Variants in SH3RF2 observed in about 807,000 individuals in gnomAD.
SH3RF2 encodes the protein SH3 domain containing ring finger 2.
SH3RF2 carries 43 observed loss-of-function variants against 59.0 expected under a neutral mutation model. The observed-to-expected ratio is 0.73, with a 90% CI of 0.57 to 0.94. The LOEUF (loss-of-function observed/expected upper bound fraction) is 0.94. Among genes scored for constraint, SH3RF2 ranks in the 40% least tolerant of loss-of-function variants. SH3RF2 has a pLI of 0.00. For missense variants in SH3RF2, 930 were observed against 940.1 expected (o/e 0.99, Z 0.14); for synonymous variants, 391 against 391.5 (o/e 1.00, Z 0.01).
intron 2 of SH3RF2, among the ~76,000 whole-genome samples, chr5:145,981,622 A>G (rs1339410977): frequency 6.6e-6 from 1 of 152,204 alleles, no homozygotes; most frequent in Non-Finnish European, 1.5e-5. Context: ...GTTGTCATTT[A>G]ACATGTTCAC....
chr5:146,008,644 A>T (rs1414221163), intron 4 of SH3RF2, among the ~76,000 whole-genome samples: 2 of 152,178 alleles, frequency 1.3e-5, no homozygotes, highest in Non-Finnish European at 2.9e-5. Context: ...TTTTATTTAC[A>T]TACAGTAAAA....
intron 2 of SH3RF2, among the ~76,000 whole-genome samples, chr5:145,974,786 A>G (rs1252196329): frequency 6.6e-6 from 1 of 152,140 alleles, no homozygotes; most frequent in Non-Finnish European, 1.5e-5. Flanking sequence ...GAGGTGGGAG[A>G]AGGAGGAGAA....
At chr5:145,954,795 C>T (rs989116276) in intron 2 of SH3RF2, among the ~76,000 whole-genome samples, 1 of 152,052 alleles carries the variant, frequency 6.6e-6, no homozygotes, top group Non-Finnish European at 1.5e-5. Flanking sequence ...GGGGAGACCT[C>T]AGGAAGCTTA....
intron 2 of SH3RF2, among the ~76,000 whole-genome samples, chr5:145,979,759 T>C (rs1759439804): frequency 6.6e-6 from 1 of 152,206 alleles, no homozygotes; most frequent in Non-Finnish European, 1.5e-5. Context: ...CTCATAGGGA[T>C]TGTTGGAAGG....
At chr5:146,033,451 CTTTTTTTTTTTTTTTTTTT>C (rs558717056) in intron 5 of SH3RF2, among the ~76,000 whole-genome samples, 35,760 of 72,084 alleles carry the variant, frequency 0.5, 6,152 homozygotes, top group Admixed American at 0.56. Context: ...TAGCCCTTAG[CTTTTTTTTTTTTTTTTTTT>C]TTTTTTTTTT....
intron 7 of SH3RF2, among the ~76,000 whole-genome samples, chr5:146,049,536 G>A (rs1166052495): frequency 6.6e-6 from 1 of 152,080 alleles, no homozygotes; most frequent in Non-Finnish European, 1.5e-5. Flanking sequence ...GCAGAGTTAA[G>A]CAACTTGCTC....
At chr5:146,034,208 A>C (rs1167477878) in intron 5 of SH3RF2, among the ~76,000 whole-genome samples, 1 of 152,210 alleles carries the variant, frequency 6.6e-6, no homozygotes, top group East Asian at 1.9e-4. Flanking sequence ...TTCTCCCTTT[A>C]TTTCCCATCA....
downstream of SH3RF2, among the ~76,000 whole-genome samples, chr5:146,064,735 G>GA (rs1763029888): frequency 1.2e-4 from 1 of 8,016 alleles, no homozygotes; most frequent in African/African-American, 2.6e-4. Flanking sequence ...AGAAAGGAAG[G>GA]AAGGAAGGAA....
chr5:146,008,393 C>T (rs1178917834), intron 4 of SH3RF2, among the ~76,000 whole-genome samples: 2 of 152,192 alleles, frequency 1.3e-5, no homozygotes, highest in Non-Finnish European at 2.9e-5. Context: ...AAAAAATTAA[C>T]TTATTTCATT....
chr5:145,981,809 T>C (rs6887711), intron 2 of SH3RF2, among the ~76,000 whole-genome samples: 19,312 of 152,254 alleles, frequency 0.13, 1,377 homozygotes, highest in East Asian at 0.26. Context: ...AGATGGGCAG[T>C]GGCTGCTGTA....
chr5:146,000,822 T>C (rs1580840032), intron 3 of SH3RF2, among the ~76,000 whole-genome samples: 1 of 152,340 alleles, frequency 6.6e-6, no homozygotes, highest in African/African-American at 2.4e-5. Context: ...CGTGAATAAG[T>C]CACAGTCTCT....
At chr5:145,987,390 G>A (rs753618569) in intron 2 of SH3RF2, among the ~76,000 whole-genome samples, 1 of 152,090 alleles carries the variant, frequency 6.6e-6, no homozygotes, top group Non-Finnish European at 1.5e-5. Flanking sequence ...TCATGCCTTT[G>A]CATCTTCATA....
intron 2 of SH3RF2, among the ~76,000 whole-genome samples, chr5:145,970,174 G>A (rs1003967674): frequency 2.0e-5 from 3 of 151,060 alleles, no homozygotes; most frequent in Admixed American, 2.0e-4. Flanking sequence ...TTGTTAATTG[G>A]ATAATTTCTT....
At chr5:146,012,106 A>G (rs1381477221) in intron 4 of SH3RF2, among the ~76,000 whole-genome samples, 2 of 151,792 alleles carry the variant, frequency 1.3e-5, no homozygotes, top group East Asian at 3.9e-4. Flanking sequence ...GTTGAATTTT[A>G]TCAAAGGCCT....
intron 2 of SH3RF2, among the ~76,000 whole-genome samples, chr5:145,958,906 C>T (rs1315197204): frequency 3.3e-5 from 5 of 152,174 alleles, no homozygotes; most frequent in Admixed American, 3.3e-4. Context: ...CTGTTTAGGG[C>T]ACTTTCAGAC....
intron 2 of SH3RF2, among the ~76,000 whole-genome samples, chr5:145,946,028 C>T (rs1247833076): frequency 1.3e-5 from 2 of 152,212 alleles, no homozygotes; most frequent in African/African-American, 4.8e-5. Context: ...CAAGAACATC[C>T]AAAGCAAGTG....
intron 2 of SH3RF2, among the ~76,000 whole-genome samples, chr5:145,943,495 AAAGGAAAGTAAGTTC>A (rs1757896229): frequency 6.6e-6 from 1 of 152,218 alleles, no homozygotes; most frequent in African/African-American, 2.4e-5. Flanking sequence ...ATATTTTAAG[AAAGGAAAGTAAGTTC>A]TTGCACATTT....
chr5:146,004,140 T>C lies in SH3RF2; in HGVS notation c.731T>C (p.Ile244Thr), dbSNP rs2149986344. The C allele has an allele frequency of 6.2e-7, 1 of 1,612,272 alleles. No individual in the cohort carries two copies. The highest frequency in any genetic ancestry group is 1.7e-4 in the Middle Eastern group (1 of 6,042). ...GGAGATAAAGTAGGCATCTTCCCTA[T>C]CTTGTTTGTAGAGGTACGTGAGTAT... ...KLGDKVGIFP[I>T]LFVEPNLTAR... Residue 244 changes from isoleucine to threonine, a missense_variant, in exon 4 of 10, where the codon ATC becomes ACC. Coordinates refer to ENST00000359120, the MANE Select transcript of SH3RF2 (RefSeq NM_152550.4).
intron 3 of SH3RF2, among the ~76,000 whole-genome samples, chr5:146,002,383 G>A (rs1167084234): frequency 2.0e-5 from 3 of 151,868 alleles, no homozygotes; most frequent in African/African-American, 7.3e-5. Flanking sequence ...CCCAGGAGGC[G>A]GAGGTTGCAG....
Sources: allele counts gnomAD v4.1 joint callset (sites outside exome capture counted in the v4.1 genomes callset), GRCh38; gene constraint gnomAD v4.1.1; transcripts MANE v1.5; gene names NCBI Gene and HGNC (gene_info 2026-07-23, HGNC 2026-07-21).